Variants in NELFA observed in about 807,000 individuals in gnomAD.
The protein encoded by NELFA is negative elongation factor A.
NELFA carries 35 observed loss-of-function variants against 51.8 expected under a neutral mutation model. The observed-to-expected ratio is 0.68, with a 90% CI of 0.52 to 0.90. The LOEUF (loss-of-function observed/expected upper bound fraction) is 0.90. Among genes scored for constraint, NELFA ranks in the 40% least tolerant of loss-of-function variants. NELFA has a pLI of 0.00. For missense variants in NELFA, 658 were observed against 746.4 expected, an observed-to-expected ratio of 0.88 and a Z score of 1.38; for synonymous variants, 417 against 338.4, an observed-to-expected ratio of 1.23 and a Z score of -2.55.
chr4:2,007,682 G>A (rs1728744300), intron 1 of NELFA, among the ~76,000 whole-genome samples: 1 of 152,200 alleles, frequency 6.6e-6, no homozygotes, highest in South Asian at 2.1e-4. Flanking sequence ...GATTACCAGT[G>A]GGAGGCTTCC....
Position 1,983,225 on chromosome 4 carries a change from G to C in NELFA, c.*94C>G. On this transcript the variant is annotated 3_prime_UTR_variant, in exon 11 of 11. Transcript: ENST00000382882. The stretch of plus-strand genomic sequence containing the variant: ...GCAGGGCGGCGGCCGGGGGACCTCG[G>C]GGGCCAGGTGTCCGCCATCCGGTTA... 7.4e-7 allele frequency: 1 copy of C among 1,356,840 alleles called. No individual in the cohort carries two copies. The highest frequency in any genetic ancestry group is 1.0e-6 in the Non-Finnish European group (1 of 993,272). 84.1% of individuals were successfully genotyped at this position (1,356,840 alleles called of 1,614,324 possible). A position where few individuals can be genotyped will look rare whatever the true frequency, so the allele number is the denominator to read the frequency against.
At chr4:1,996,699 A>C (rs1209254387) in intron 1 of NELFA, among the ~76,000 whole-genome samples, 3 of 152,236 alleles carry the variant, frequency 2.0e-5, no homozygotes, top group African/African-American at 7.2e-5. Flanking sequence ...TGGTCAACCA[A>C]GGCATGTGGA....
In NELFA at chr4:1,989,685, C is replaced by A. The variant is rs779146241; in HGVS notation, c.544+23G>T. The A allele has an allele frequency of 1.2e-6, 2 of 1,608,306 alleles. No individual in the cohort carries two copies. Among genetic ancestry groups the A allele is most frequent in the South Asian group, 2.2e-5 (2 of 90,320 alleles). On this transcript the variant is annotated intron_variant, in intron 3 of 10. Transcript: ENST00000382882. This position sits in a 1 kb window ranked among gnomAD's most constrained non-coding sequence, Gnocchi z 4.8. Reference sequence around the variant, plus strand: ...GACTGGAAACTACAAAGACAATGCCCGATGGCGGCCGCGGCCACTCACACT... The same window carrying A: ...GACTGGAAACTACAAAGACAATGCCAGATGGCGGCCGCGGCCACTCACACT...
At chr4:1,994,452 C>T (rs925675086) in intron 1 of NELFA, among the ~76,000 whole-genome samples, 1 of 151,916 alleles carries the variant, frequency 6.6e-6, no homozygotes, top group Non-Finnish European at 1.5e-5. Context: ...GTAATCCCAG[C>T]TACTGGGGAA....
At chr4:1,983,763 C>T (rs1036739024) in intron 9 of NELFA, 68 bp from the exon 10 acceptor site, 2 of 1,597,516 alleles carry the variant, frequency 1.3e-6, no homozygotes, top group Non-Finnish European at 1.7e-6. Flanking sequence ...CCCCTGCAGG[C>T]ACCGTGGCAC....
chr4:1,987,906 TG>T lies in NELFA; in HGVS notation c.634+11del, dbSNP rs1465995557. The T allele has an allele frequency of 1.3e-6, 2 of 1,595,396 alleles. No homozygotes were observed. The highest frequency in any genetic ancestry group is 2.3e-5 in the South Asian group (2 of 87,436). On this transcript the variant is annotated intron_variant, in intron 4 of 10. Coordinates refer to ENST00000382882, the MANE Select transcript of NELFA (RefSeq NM_005663.5). ...AAAAGCAAGGCTCACGGCACCAGGG[TG>T]GGGGCCTTACTGGTGGTGTCCATCT...
At chr4:1,985,652 TAC>T in intron 7 of NELFA, 122 bp downstream of exon 7, 1 of 715,148 alleles carries the variant, frequency 1.4e-6, no homozygotes, top group South Asian at 1.8e-5. Context: ...TATACATAAA[TAC>T]AGACTGCACA....
At chr4:1,983,751 T>G in intron 9 of NELFA, 56 bp from the exon 10 acceptor site, 1 of 1,600,772 alleles carries the variant, frequency 6.2e-7, no homozygotes, top group South Asian at 1.1e-5. Flanking sequence ...ACCTCCTGCA[T>G]CCCCCTGCAG....
chr4:2,008,148 C>G, intron 1 of NELFA: 3 of 424,164 alleles, frequency 7.1e-6, no homozygotes, highest in South Asian at 4.9e-5. Flanking sequence ...GATCCCCGCC[C>G]TCGCCCAGGT....
intron 1 of NELFA, among the ~76,000 whole-genome samples, chr4:1,995,908 C>T (rs867340360): frequency 2.0e-5 from 3 of 149,626 alleles, no homozygotes; most frequent in Non-Finnish European, 3.0e-5. Flanking sequence ...CCAAGCTGCA[C>T]GTGCCTGTAG....
intron 1 of NELFA, among the ~76,000 whole-genome samples, chr4:2,002,124 C>T (rs997114115): frequency 6.5e-5 from 9 of 138,086 alleles, no homozygotes; most frequent in African/African-American, 1.6e-4. Flanking sequence ...GGCGTGAACC[C>T]GGGAGGCGGA....
Position 1,989,911 on chromosome 4 carries a change from C to T in NELFA, c.383-42G>A. The T allele has an allele frequency of 3.1e-6, 5 of 1,595,422 alleles. No homozygotes were observed. Among genetic ancestry groups the T allele is most frequent in the Non-Finnish European group, 4.3e-6 (5 of 1,170,270 alleles). ...CATGAAGTTAGGGGCGCCCAGGCCG[C>T]AGACCTCCCGGCTGAGAGGAGCTGG... On this transcript the variant is annotated intron_variant, in intron 2 of 10. Coordinates refer to ENST00000382882, the MANE Select transcript of NELFA (RefSeq NM_005663.5). This position sits in a 1 kb window ranked among gnomAD's most constrained non-coding sequence, Gnocchi z 4.8.
chr4:1,997,751 C>G (rs1378698248), intron 1 of NELFA, among the ~76,000 whole-genome samples: 2 of 152,286 alleles, frequency 1.3e-5, no homozygotes, highest in Admixed American at 6.5e-5. Flanking sequence ...GGTTTCCCCC[C>G]ACTGAAGCAC....
chr4:1,999,574 A>C (rs1728518955), intron 1 of NELFA, among the ~76,000 whole-genome samples: 2 of 152,198 alleles, frequency 1.3e-5, no homozygotes, highest in South Asian at 4.1e-4. Context: ...TAAAGGGAAC[A>C]ATTCGACAAG....
intron 4 of NELFA, among the ~76,000 whole-genome samples, chr4:1,987,093 C>A: frequency 6.6e-6 from 1 of 152,188 alleles, no homozygotes; most frequent in Non-Finnish European, 1.5e-5. Context: ...CGGCCCCCCA[C>A]ACAGCGACAA....
chr4:2,008,650 A>C, intron 1 of NELFA, 100 bp downstream of exon 1: 15 of 1,157,268 alleles, frequency 1.3e-5, no homozygotes, highest in Non-Finnish European at 1.4e-5. Context: ...GGGGATGGGA[A>C]GGTTGGGGGA....
At chr4:2,007,806 T>G (rs914284821) in intron 1 of NELFA, among the ~76,000 whole-genome samples, 1 of 152,182 alleles carries the variant, frequency 6.6e-6, no homozygotes, top group African/African-American at 2.4e-5. Flanking sequence ...ACATGTCATA[T>G]CTCAATCAAA....
intron 1 of NELFA, among the ~76,000 whole-genome samples, chr4:2,001,740 T>C (rs1470462149): frequency 6.6e-6 from 1 of 151,630 alleles, no homozygotes; most frequent in Non-Finnish European, 1.5e-5. Context: ...CCATCTCTAC[T>C]AAAAATACAC....
At chr4:1,995,848 G>A (rs986122117) in intron 1 of NELFA, among the ~76,000 whole-genome samples, 15 of 151,562 alleles carry the variant, frequency 9.9e-5, no homozygotes, top group Admixed American at 3.3e-4. Flanking sequence ...TAATCCTAAC[G>A]GGGAGATCAA....
Sources: gnomAD v4.1 joint callset for allele counts (sites outside exome capture counted in the v4.1 genomes callset) on GRCh38, gnomAD v4.1.1 for gene constraint, Gnocchi (gnomAD v3.1) non-coding constraint, MANE v1.5 for transcripts, NCBI Gene and HGNC (gene_info 2026-07-23, HGNC 2026-07-21) for gene names.